Variants in DPYD observed in about 807,000 individuals in gnomAD.
The protein encoded by DPYD is dihydropyrimidine dehydrogenase [NADP(+)].
A neutral mutation model predicts 116.2 loss-of-function variants in DPYD; 109 were observed. The observed-to-expected ratio is 0.94, with a 90% CI of 0.80 to 1.10. DPYD has a LOEUF of 1.10. Ranked by LOEUF, DPYD falls within the 50% of genes least tolerant of loss-of-function variation. The pLI is 0.00. For synonymous variants in DPYD, 440 were observed against 432.0 expected, an observed-to-expected ratio of 1.02 and a Z score of -0.23; for missense variants, 1,302 against 1,254.5, an observed-to-expected ratio of 1.04 and a Z score of -0.57.
chr1:97,528,242 T>C (rs1649297398), intron 12 of DPYD, among the ~76,000 whole-genome samples: 2 of 152,164 alleles, frequency 1.3e-5, no homozygotes, highest in African/African-American at 4.8e-5. Flanking sequence ...AAAAACAGAT[T>C]TCATTCTCCA....
intron 8 of DPYD, among the ~76,000 whole-genome samples, chr1:97,652,157 A>G (rs1458581411): frequency 6.6e-6 from 1 of 152,164 alleles, no homozygotes; most frequent in Non-Finnish European, 1.5e-5. Context: ...AGGACAACTG[A>G]TTTAATCTAG....
At chr1:97,904,039 G>T (rs1673490521) in intron 1 of DPYD, among the ~76,000 whole-genome samples, 1 of 151,774 alleles carries the variant, frequency 6.6e-6, no homozygotes. Context: ...CTTAAAATCA[G>T]CAACAGAGGC....
At chr1:97,307,883 A>G (rs1367737304) in intron 16 of DPYD, among the ~76,000 whole-genome samples, 3 of 151,936 alleles carry the variant, frequency 2.0e-5, no homozygotes, top group Admixed American at 2.0e-4. Flanking sequence ...GACTTAGCCT[A>G]GAAATGACAG....
chr1:97,885,641 CTT>C (rs1672449664), intron 1 of DPYD, among the ~76,000 whole-genome samples: 1 of 151,992 alleles, frequency 6.6e-6, no homozygotes, highest in Non-Finnish European at 1.5e-5. Context: ...CATTATGTAA[CTT>C]AACTTACAAA....
rs1661805549 is a variant in DPYD at position 97,234,906 on chromosome 1, A to G, written c.2388T>C (p.Ile796=). 1 of 1,614,104 alleles carries G rather than the reference A, an allele frequency of 6.2e-7. No individual in the cohort carries two copies. The highest frequency in any genetic ancestry group is 8.5e-7 in the Non-Finnish European group (1 of 1,179,998). The change falls in exon 19 of 23, where the codon ATT becomes ATC. Residue 796 remains isoleucine, a synonymous_variant. Coordinates refer to ENST00000370192, the MANE Select transcript of DPYD (RefSeq NM_000110.4). ...PGFPILATGG[I]DSAESGLQFL... Reference sequence around the variant, plus strand: ...ACTGAAGACCACTTTCAGCAGAGTCAATTCCACCAGTAGCCAAAATGGGAA... The same window carrying G: ...ACTGAAGACCACTTTCAGCAGAGTCGATTCCACCAGTAGCCAAAATGGGAA...
At position 97,281,510 on chromosome 1, in the gene DPYD, G is replaced by C. The variant is rs183562678; in HGVS notation, c.2299+23749C>G. Among the ~76,000 whole-genome samples, 88 of 151,848 alleles carry C rather than the reference G, an allele frequency of 5.8e-4. No individual in the cohort carries two copies. The East Asian group carries it at 0.014, about 24-fold the overall frequency. The stretch of plus-strand genomic sequence containing the variant: ...ACTGATAGAAGAAACTAGAATATTG[G>C]CTATAAATACTTAATTAAAAATTGT... On this transcript the variant is annotated intron_variant, in intron 18 of 22. Coordinates refer to ENST00000370192, the MANE Select transcript of DPYD (RefSeq NM_000110.4).
chr1:97,763,611 A>G (rs1665698431), intron 3 of DPYD, among the ~76,000 whole-genome samples: 1 of 152,070 alleles, frequency 6.6e-6, no homozygotes, highest in South Asian at 2.1e-4. Context: ...TTTGTCATAC[A>G]CAGTAGGAAT....
chr1:97,402,879 T>C (rs575781702), intron 14 of DPYD, among the ~76,000 whole-genome samples: 1 of 152,024 alleles, frequency 6.6e-6, no homozygotes, highest in Admixed American at 6.6e-5. Flanking sequence ...ATGTGATTTT[T>C]CTTTTTTAGT....
At chr1:97,780,856 A>AAGAT (rs1666701467) in intron 3 of DPYD, among the ~76,000 whole-genome samples, 1 of 152,198 alleles carries the variant, frequency 6.6e-6, no homozygotes, top group Admixed American at 6.6e-5. Context: ...AAGAAAACTA[A>AAGAT]AGATGCTTGA....
intron 19 of DPYD, among the ~76,000 whole-genome samples, chr1:97,213,619 C>T (rs561904894): frequency 1.6e-4 from 24 of 152,208 alleles, no homozygotes; most frequent in African/African-American, 4.3e-4. Flanking sequence ...CAGTCAAATA[C>T]GGGACTTTGA....
At chr1:97,599,399 A>G (rs2102272489) in intron 8 of DPYD, among the ~76,000 whole-genome samples, 1 of 152,236 alleles carries the variant, frequency 6.6e-6, no homozygotes, top group African/African-American at 2.4e-5. Context: ...GTTCTGTTAC[A>G]TATTAAAATC....
At chr1:97,091,419 T>C (rs1403828980) in intron 21 of DPYD, among the ~76,000 whole-genome samples, 2 of 152,102 alleles carry the variant, frequency 1.3e-5, no homozygotes, top group Non-Finnish European at 2.9e-5. Flanking sequence ...GGGAAAACAC[T>C]GAAGTAATCA....
chr1:97,571,058 T>C (rs188831042), intron 11 of DPYD, among the ~76,000 whole-genome samples: 66 of 152,148 alleles, frequency 4.3e-4, no homozygotes, highest in Middle Eastern at 3.4e-3. Context: ...AGTTCATTTA[T>C]ATGTCTTGAG....
chr1:97,712,609 A>C (rs1023457649), intron 5 of DPYD, among the ~76,000 whole-genome samples: 1 of 151,986 alleles, frequency 6.6e-6, no homozygotes. Context: ...CGTTGAGTGA[A>C]TTTTATTCTC....
At chr1:97,494,706 C>T (rs1270026400) in intron 13 of DPYD, among the ~76,000 whole-genome samples, 2 of 151,876 alleles carry the variant, frequency 1.3e-5, no homozygotes, top group Non-Finnish European at 2.9e-5. Flanking sequence ...CATGCAACTG[C>T]ACTCCAGCCT....
intron 16 of DPYD, among the ~76,000 whole-genome samples, chr1:97,325,398 C>G (rs974214064): frequency 1.3e-5 from 2 of 152,024 alleles, no homozygotes; most frequent in African/African-American, 4.8e-5. Flanking sequence ...ATGCAACTCA[C>G]AGATTTCTTA....
At chr1:97,420,365 T>G (rs961926252) in intron 14 of DPYD, among the ~76,000 whole-genome samples, 1 of 152,000 alleles carries the variant, frequency 6.6e-6, no homozygotes, top group African/African-American at 2.4e-5. Flanking sequence ...GATGAAAGAG[T>G]CTGTGTTTAA....
intron 11 of DPYD, among the ~76,000 whole-genome samples, chr1:97,560,702 A>G (rs1652084283): frequency 6.6e-6 from 1 of 152,176 alleles, no homozygotes; most frequent in Non-Finnish European, 1.5e-5. Context: ...GTAAATAAGT[A>G]AGTGAACTAT....
At chr1:97,245,715 C>G (rs920894613) in intron 18 of DPYD, among the ~76,000 whole-genome samples, 1 of 152,134 alleles carries the variant, frequency 6.6e-6, no homozygotes, top group Non-Finnish European at 1.5e-5. Flanking sequence ...TGAGAACATA[C>G]AGAAAAATAA....
Sources: gnomAD v4.1 joint callset for allele counts (sites outside exome capture counted in the v4.1 genomes callset) on GRCh38, gnomAD v4.1.1 for gene constraint, MANE v1.5 for transcripts, NCBI Gene and HGNC (gene_info 2026-07-23, HGNC 2026-07-21) for gene names.